ARHGAP32: variants seen among roughly 807,000 people sequenced by gnomAD.
ARHGAP32 encodes Rho GTPase activating protein 32.
ARHGAP32 carries 51 observed loss-of-function variants against 186.5 expected under a neutral mutation model. The observed-to-expected ratio is 0.27, with a 90% CI of 0.22 to 0.35. ARHGAP32 has a LOEUF of 0.35. Among genes scored for constraint, ARHGAP32 ranks in the 10% least tolerant of loss-of-function variants. ARHGAP32 has a pLI of 1.00. For missense variants in ARHGAP32, 2,186 were observed against 2,623.5 expected, an observed-to-expected ratio of 0.83 and a Z score of 3.64; for synonymous variants, 950 against 964.3, an observed-to-expected ratio of 0.99 and a Z score of 0.27.
At chr11:129,007,777 C>T (rs1285830826) in intron 11 of ARHGAP32, among the ~76,000 whole-genome samples, 3 of 152,162 alleles carry the variant, frequency 2.0e-5, no homozygotes, top group African/African-American at 7.2e-5. Flanking sequence ...GGGCCCAGTT[C>T]AGCATTAAGA....
rs1369737444 is a variant in ARHGAP32 at position 128,971,081 on chromosome 11, C to T, written c.4132G>A (p.Asp1378Asn). 4.3e-6 allele frequency: 7 copies of T among 1,614,088 alleles called. No homozygotes were observed. The highest frequency in any genetic ancestry group is 5.9e-6 in the Non-Finnish European group (7 of 1,180,052). ...MDDPASAFIS[D>N]SGAAAAQCPM... ...CACTGAGCAGCAGCAGCACCACTGT[C>T]ACTGATGAAGGCAGACGCAGGGTCA... The change falls in exon 23 of 23, where the codon GAC (aspartate) becomes AAC (asparagine). Residue 1378 changes from aspartate (D) to asparagine (N), a missense_variant. By Grantham distance (23) the Asp-to-Asn change is conservative. Coordinates refer to ENST00000682385, the MANE Select transcript of ARHGAP32 (RefSeq NM_001378024.1).
At position 129,201,713 on chromosome 11, in the gene ARHGAP32, G is replaced by A. The variant is rs185710311; in HGVS notation, c.-4-37286C>T. On this transcript the variant is annotated intron_variant, in intron 1 of 6. Transcript: ENST00000525234. Reference sequence around the variant, plus strand: ...AACAAAAACACAGCCAGGTGCAGTGGCTCACACCTGTAATTCCAGTACTTT... The same window carrying A: ...AACAAAAACACAGCCAGGTGCAGTGACTCACACCTGTAATTCCAGTACTTT... Among the ~76,000 whole-genome samples the A allele has an allele frequency of 7.9e-5, 12 of 152,278 alleles. No individual in the cohort carries two copies. The East Asian group carries it at 2.3e-3, about 29-fold the overall frequency.
intron 1 of ARHGAP32, among the ~76,000 whole-genome samples, chr11:129,215,097 A>C (rs955435496): frequency 2.0e-5 from 3 of 152,140 alleles, no homozygotes; most frequent in African/African-American, 7.2e-5. Flanking sequence ...CCTCTTTCTG[A>C]GCAGCCTCCT....
chr11:129,117,762 CT>C (rs1442088439), intron 5 of ARHGAP32, among the ~76,000 whole-genome samples: 2 of 151,700 alleles, frequency 1.3e-5, no homozygotes, highest in East Asian at 1.9e-4. Flanking sequence ...CAAACATATC[CT>C]TTTCCCCCCC....
At chr11:129,155,006 G>A (rs149918223) in intron 2 of ARHGAP32, among the ~76,000 whole-genome samples, 1 of 152,260 alleles carries the variant, frequency 6.6e-6, no homozygotes, top group Admixed American at 6.5e-5. Flanking sequence ...TGTTTGGGGA[G>A]AAAAGTCAAA....
chr11:128,988,247 G>GA, intron 12 of ARHGAP32, 122 bp from the exon 13 acceptor site: 1 of 676,392 alleles, frequency 1.5e-6, no homozygotes, highest in Non-Finnish European at 2.4e-6. Context: ...AAGTTAAAAG[G>GA]AGCAAAAATT....
intron 2 of ARHGAP32, among the ~76,000 whole-genome samples, chr11:129,149,930 A>C (rs1943252025): frequency 6.6e-6 from 1 of 151,940 alleles, no homozygotes; most frequent in African/African-American, 2.4e-5. Flanking sequence ...TCTCCAGAGA[A>C]ATAGGTATCA....
chr11:129,041,272 T>C (rs552492131), intron 10 of ARHGAP32, among the ~76,000 whole-genome samples: 3 of 152,328 alleles, frequency 2.0e-5, no homozygotes, highest in African/African-American at 7.2e-5. Flanking sequence ...CCAATCTTTT[T>C]TTACATGAAT....
chr11:129,180,090 G>A (rs143127986), intron 1 of ARHGAP32, among the ~76,000 whole-genome samples: 3,216 of 151,816 alleles, frequency 0.021, 88 homozygotes, highest in Admixed American at 0.078. Flanking sequence ...TAAAAAAATC[G>A]TGTATTTACA....
At chr11:129,232,313 G>C (rs1044395183) in intron 1 of ARHGAP32, among the ~76,000 whole-genome samples, 1 of 152,122 alleles carries the variant, frequency 6.6e-6, no homozygotes, top group Admixed American at 6.5e-5. Flanking sequence ...CTGTCTCCAA[G>C]AAAAGCACCT....
intron 10 of ARHGAP32, among the ~76,000 whole-genome samples, chr11:129,057,913 C>A (rs537719287): frequency 6.6e-6 from 1 of 151,938 alleles, no homozygotes; most frequent in South Asian, 2.1e-4. Flanking sequence ...TGTAAGGACA[C>A]GCAAGAAAGT....
chr11:129,073,954 TA>T (rs1222303552), intron 6 of ARHGAP32, among the ~76,000 whole-genome samples: 1 of 152,064 alleles, frequency 6.6e-6, no homozygotes, highest in South Asian at 2.1e-4. Flanking sequence ...ATTAACAAAA[TA>T]ACCCCTACCC....
chr11:129,123,579 T>A lies in ARHGAP32; in HGVS notation c.360-49A>T, dbSNP rs749582205. The A allele has an allele frequency of 3.9e-5, 60 of 1,526,982 alleles. No individual in the cohort carries two copies. The highest frequency in any genetic ancestry group is 6.9e-5 in the South Asian group (6 of 86,730). The allele number at this position is 1,526,982 out of a possible 1,614,324, so 94.6% of individuals were successfully genotyped here. A position where few individuals can be genotyped will look rare whatever the true frequency, so the allele number is the denominator to read the frequency against. ...AAACGAGATAGTGAAACAGTAAAAA[T>A]TACTAAGTTTAAGGGAAAAATACAG... On this transcript the variant is annotated intron_variant, in intron 4 of 22. Coordinates refer to ENST00000682385, the MANE Select transcript of ARHGAP32 (RefSeq NM_001378024.1). This position sits in a 1 kb window ranked among gnomAD's most constrained non-coding sequence, Gnocchi z 4.6.
At chr11:129,177,848 A>G (rs1293144394) in intron 1 of ARHGAP32, among the ~76,000 whole-genome samples, 4 of 152,160 alleles carry the variant, frequency 2.6e-5, no homozygotes, top group Non-Finnish European at 5.9e-5. Flanking sequence ...ATGGGCAAAA[A>G]CTGGAAGCAT....
chr11:129,124,117 G>C (rs1942600863), intron 3 of ARHGAP32, among the ~76,000 whole-genome samples, 188 bp from the exon 4 acceptor site: 1 of 152,062 alleles, frequency 6.6e-6, no homozygotes, highest in Non-Finnish European at 1.5e-5. Flanking sequence ...GATTTTTTCA[G>C]ATTTTGGAAT....
intron 1 of ARHGAP32, among the ~76,000 whole-genome samples, chr11:129,273,358 G>C (rs921002114): frequency 1.3e-5 from 2 of 152,132 alleles, no homozygotes; most frequent in African/African-American, 4.8e-5. Flanking sequence ...ACTGTGTCAG[G>C]ATTGCTATTC....
chr11:129,180,891 CCTCA>C (rs1565459121), intron 1 of ARHGAP32, among the ~76,000 whole-genome samples: 1 of 152,062 alleles, frequency 6.6e-6, no homozygotes, highest in Non-Finnish European at 1.5e-5. Context: ...TTGCTGTTTC[CCTCA>C]CTAAGAAATT....
At chr11:129,173,054 A>G (rs1188021699) in intron 1 of ARHGAP32, among the ~76,000 whole-genome samples, 2 of 152,016 alleles carry the variant, frequency 1.3e-5, no homozygotes, top group South Asian at 2.1e-4. Context: ...ACAAACAAAC[A>G]AACAAAAAAC....
chr11:129,017,283 G>C (rs1463390194), intron 11 of ARHGAP32, among the ~76,000 whole-genome samples: 1 of 151,862 alleles, frequency 6.6e-6, no homozygotes, highest in Non-Finnish European at 1.5e-5. Flanking sequence ...GCGAAAACCT[G>C]TCTCTACTAA....
Sources: gnomAD v4.1 joint callset for allele counts (sites outside exome capture counted in the v4.1 genomes callset) on GRCh38, gnomAD v4.1.1 for gene constraint, Gnocchi (gnomAD v3.1) non-coding constraint, MANE v1.5 for transcripts, NCBI Gene and HGNC (gene_info 2026-07-23, HGNC 2026-07-21) for gene names.